Variants in BRWD3 observed in about 807,000 individuals in gnomAD.
BRWD3 encodes the protein bromodomain and WD repeat domain containing 3, also known as bromodomain and WD repeat-containing protein 3.
A neutral mutation model predicts 149.7 loss-of-function variants in BRWD3; 10 were observed. The observed-to-expected ratio is 0.07, with a 90% confidence interval of 0.04 to 0.11. BRWD3 has a LOEUF of 0.11. Ranked by LOEUF, BRWD3 falls within the 10% of genes least tolerant of loss-of-function variation. The pLI, the probability that BRWD3 is intolerant of heterozygous loss-of-function variation, is 1.00. For missense variants in BRWD3, 940 were observed against 1,373.2 expected, an observed-to-expected ratio of 0.68 and a Z score of 4.99; for synonymous variants, 504 against 456.7, an observed-to-expected ratio of 1.10 and a Z score of -1.32.
At chrX:80,699,920 A>T in intron 25 of BRWD3, 37 bp downstream of exon 25, 1 of 1,041,301 alleles carries the variant, frequency 9.6e-7, no homozygotes, top group Non-Finnish European at 1.3e-6. Context: ...TTCCAAAGCT[A>T]CTTCCATTGC....
At chrX:80,697,931 T>C (rs758181780) in intron 25 of BRWD3, among the ~76,000 whole-genome samples, 45 of 112,345 alleles carry the variant, frequency 4.0e-4, no homozygotes, top group Non-Finnish European at 7.9e-4. Flanking sequence ...ACCAGTAGTA[T>C]ATAAGCATTC....
At chrX:80,677,478 T>C in intron 40 of BRWD3, 115 bp from the exon 41 acceptor site, 1 of 992,323 alleles carries the variant, frequency 1.0e-6, no homozygotes, top group Non-Finnish European at 1.3e-6. Flanking sequence ...TCATGGAGGG[T>C]GTCAGACTAA....
Position 80,744,134 on chromosome X carries a change from A to G in BRWD3, c.711T>C (p.Ile237=), listed in dbSNP as rs1051209349. 4 of 1,211,319 alleles carry G rather than the reference A, an allele frequency of 3.3e-6. No homozygotes were observed. The highest frequency in any genetic ancestry group is 2.2e-5 in the Admixed American group (1 of 46,011). Residue 237 remains isoleucine, a synonymous_variant, in exon 8 of 41, where the codon ATT becomes ATC. Transcript: ENST00000373275. ...DMAVNYENTL[I]AAGSCDKVVR... is the part of the protein sequence containing the mutation. ...CTACCTTATCACAGCTGCCTGCAGC[A>G]ATAAGAGTGTTTTCATAGTTAACAG...
rs773037538 is a variant in BRWD3, at chrX:80,698,280, AG to A, written c.2944-1418del. 3.6e-5 allele frequency among the ~76,000 whole-genome samples: 4 copies of A among 112,120 alleles called. No individual in the cohort carries two copies. In the South Asian group the frequency reaches 1.5e-3, roughly 41 times the overall value. ...TGGCAAAACTGATCTTCATAGGTAT[AG>A]GGTCCTGCTTAAAGTTATATATTAG... On this transcript the variant is annotated intron_variant, in intron 25 of 40. Coordinates refer to ENST00000373275, the MANE Select transcript of BRWD3 (RefSeq NM_153252.5).
intron 6 of BRWD3, among the ~76,000 whole-genome samples, chrX:80,787,880 C>T (rs2074128803): frequency 9.2e-6 from 1 of 108,395 alleles, no homozygotes; most frequent in Non-Finnish European, 1.9e-5. Flanking sequence ...GTCAGGAGAT[C>T]GAGACCATCC....
chrX:80,739,844 C>T (rs1015791344), intron 8 of BRWD3, among the ~76,000 whole-genome samples: 1 of 112,071 alleles, frequency 8.9e-6, no homozygotes, highest in Non-Finnish European at 1.9e-5. Context: ...TGAATGTGGT[C>T]TCTTTCCCAA....
intron 12 of BRWD3, among the ~76,000 whole-genome samples, chrX:80,731,058 AG>A (rs1284130347): frequency 9.0e-6 from 1 of 111,405 alleles, no homozygotes; most frequent in African/African-American, 3.3e-5. Context: ...GAGTCAGAGT[AG>A]GTGTATTTTT....
At chrX:80,726,286 ACATATAACAC>A (rs1313383134) in intron 14 of BRWD3, among the ~76,000 whole-genome samples, 1 of 105,729 alleles carries the variant, frequency 9.5e-6, no homozygotes, top group East Asian at 3.0e-4. Context: ...TGTCTGTATA[ACATATAACAC>A]GTTTACATGT....
chrX:80,742,034 A>G (rs2073519187), intron 8 of BRWD3, among the ~76,000 whole-genome samples: 1 of 111,449 alleles, frequency 9.0e-6, no homozygotes, highest in South Asian at 3.8e-4. Flanking sequence ...TAGGGTTTTT[A>G]TGGTTTCAGG....
At chrX:80,699,811 G>A in intron 25 of BRWD3, 146 bp downstream of exon 25, 3 of 490,403 alleles carry the variant, frequency 6.1e-6, no homozygotes, top group South Asian at 5.8e-5. Context: ...ATAATATTCA[G>A]TTCTACAAGA....
rs1381187303 is a variant in BRWD3, at chrX:80,684,075, A to G, written c.4168T>C (p.Phe1390Leu). 4 of 1,207,083 alleles carry G rather than the reference A, an allele frequency of 3.3e-6. No homozygotes were observed. The highest frequency in any genetic ancestry group is 4.5e-6 in the Non-Finnish European group (4 of 891,571). Reference sequence around the variant, plus strand: ...AATATTTGGCGAACATCCTTATAAAATTCCAGAGGACTACCATAGTTTCCT... The same window carrying G: ...AATATTTGGCGAACATCCTTATAAAGTTCCAGAGGACTACCATAGTTTCCT... ...EAGNYGSPLE[F>L]YKDVRQIFNN... Residue 1390 changes from phenylalanine to leucine, a missense_variant, in exon 37 of 41, where the codon TTT (phenylalanine) becomes CTT (leucine). Coordinates refer to ENST00000373275, the MANE Select transcript of BRWD3 (RefSeq NM_153252.5).
intron 36 of BRWD3, 123 bp downstream of exon 36, chrX:80,685,339 C>T (rs2072506716): frequency 1.7e-5 from 10 of 602,998 alleles, no homozygotes; most frequent in Middle Eastern, 4.8e-4. Context: ...AAAAATCAAA[C>T]AAAGGTAAAA....
chrX:80,793,012 A>T (rs1033087217), intron 5 of BRWD3, among the ~76,000 whole-genome samples: 35 of 108,146 alleles, frequency 3.2e-4, no homozygotes, highest in African/African-American at 1.1e-3. Context: ...AAATACAAAA[A>T]TTAGCTGGGC....
At chrX:80,736,733 A>G (rs989130455) in intron 8 of BRWD3, among the ~76,000 whole-genome samples, 24 of 111,179 alleles carry the variant, frequency 2.2e-4, no homozygotes, top group African/African-American at 7.5e-4. Context: ...GACTACTACT[A>G]TGTCAGAAGG....
In BRWD3 at chrX:80,703,554, C is replaced by G. The variant is rs1335910362; in HGVS notation, c.2761G>C (p.Glu921Gln). ...LVSIAGEPNE[E>Q]WFAPQWILDT... The stretch of plus-strand genomic sequence containing the variant: ...AAGATCCACTGAGGGGCAAACCATT[C>G]TTCATTAGGCTCACCTGCTATAGAA... Residue 921 changes from glutamate to glutamine, a missense_variant, in exon 24 of 41, where the codon GAA (glutamate) becomes CAA (glutamine). Coordinates refer to ENST00000373275, the MANE Select transcript of BRWD3 (RefSeq NM_153252.5). 1.7e-6 allele frequency: 2 copies of G among 1,204,438 alleles called. No individual in the cohort carries two copies. Among genetic ancestry groups the G allele is most frequent in the Non-Finnish European group, 2.2e-6 (2 of 892,481 alleles).
rs187554859 is a variant in BRWD3, at chrX:80,754,262, G to T, written c.431-8533C>A. Among the ~76,000 whole-genome samples, 215 of 111,395 alleles carry T rather than the reference G, an allele frequency of 1.9e-3. 2 individuals carry two copies. Among genetic ancestry groups the T allele is most frequent in the Middle Eastern group, 4.6e-3 (1 of 216 alleles). ...TTAAATATATTCCTAGATTTTGGGG[G>T]TTTTTTTGTAGCTATTATTGGCTTC... is the stretch of plus-strand genomic sequence containing the variant. On this transcript the variant is annotated intron_variant, in intron 6 of 40. Coordinates refer to ENST00000373275, the MANE Select transcript of BRWD3 (RefSeq NM_153252.5).
intron 6 of BRWD3, chrX:80,746,961 C>T (rs1334276066): frequency 3.1e-6 from 1 of 324,349 alleles, no homozygotes; most frequent in Admixed American, 9.4e-5. Flanking sequence ...CATAAGAGAC[C>T]TGAGTAGTTA....
At position 80,677,119 on chromosome X, in the gene BRWD3, T is replaced by C; in HGVS notation, c.4899A>G (p.Gln1633=). ...SDSESTSRTD[Q]DYVDGDHDYS... is the part of the protein sequence containing the mutation. Reference sequence around the variant, plus strand: ...AATCATGGTCTCCATCTACGTAATCTTGATCTGTTCTGGAAGTTGATTCAG... The same window carrying C: ...AATCATGGTCTCCATCTACGTAATCCTGATCTGTTCTGGAAGTTGATTCAG... Residue 1633 remains glutamine (Q), a synonymous_variant, in exon 41 of 41, where the codon CAA becomes CAG. Transcript: ENST00000373275. 2 of 1,211,788 alleles carry C rather than the reference T, an allele frequency of 1.7e-6. No individual in the cohort carries two copies. Among genetic ancestry groups the C allele is most frequent in the Middle Eastern group, 2.3e-4 (1 of 4,353 alleles).
intron 5 of BRWD3, 68 bp from the exon 6 acceptor site, chrX:80,792,020 A>G: frequency 1.5e-6 from 1 of 649,631 alleles, no homozygotes; most frequent in South Asian, 2.6e-5. Flanking sequence ...CTCAGAAGCA[A>G]ATGTCTGATT....
Sources: gnomAD v4.1 joint callset for allele counts (sites outside exome capture counted in the v4.1 genomes callset) on GRCh38, gnomAD v4.1.1 for gene constraint, MANE v1.5 for transcripts, NCBI Gene and HGNC (gene_info 2026-07-23, HGNC 2026-07-21) for gene names.